Variants in PPM1H observed in about 807,000 individuals in gnomAD.
PPM1H encodes protein phosphatase 1H.
A neutral mutation model predicts 54.9 loss-of-function variants in PPM1H; 27 were observed. The ratio of observed to expected loss-of-function variants is 0.49; its 90% CI spans 0.36 to 0.68. PPM1H has a LOEUF of 0.68. PPM1H is among the 30% of genes least tolerant of loss of function. The pLI, the probability that PPM1H is intolerant of heterozygous loss-of-function variation, is 0.00. For missense variants in PPM1H, 596 were observed against 667.8 expected, an observed-to-expected ratio of 0.89 and a Z score of 1.19; for synonymous variants, 305 against 270.8, an observed-to-expected ratio of 1.13 and a Z score of -1.24.
At chr12:62,668,010 C>T (rs144935664) in intron 8 of PPM1H, among the ~76,000 whole-genome samples, 226 of 152,302 alleles carry the variant, frequency 1.5e-3, no homozygotes, top group African/African-American at 5.0e-3. Flanking sequence ...AGAAGATACA[C>T]GCTCACTCTG....
intron 6 of PPM1H, among the ~76,000 whole-genome samples, chr12:62,701,011 C>T (rs996673448): frequency 1.3e-5 from 2 of 152,070 alleles, no homozygotes; most frequent in African/African-American, 4.8e-5. Context: ...TCTTCATGCC[C>T]TTTAAGTTCT....
chr12:62,772,929 C>CACG (rs1319943836), intron 4 of PPM1H, among the ~76,000 whole-genome samples: 5 of 151,830 alleles, frequency 3.3e-5, no homozygotes, highest in African/African-American at 1.2e-4. Context: ...GCAGGTGGAT[C>CACG]ACGAGGTCAA....
intron 2 of PPM1H, among the ~76,000 whole-genome samples, chr12:62,822,478 C>G (rs1199945296): frequency 6.6e-6 from 1 of 151,706 alleles, no homozygotes; most frequent in African/African-American, 2.4e-5. Flanking sequence ...AGCACTTATT[C>G]CAAAAGAGTT....
At chr12:62,722,312 T>C (rs1372042337) in intron 5 of PPM1H, among the ~76,000 whole-genome samples, 1 of 152,190 alleles carries the variant, frequency 6.6e-6, no homozygotes. Context: ...GGGGTTACCA[T>C]GTGCCAGCCC....
chr12:62,832,821 A>C (rs566286832), intron 1 of PPM1H, among the ~76,000 whole-genome samples: 2 of 152,272 alleles, frequency 1.3e-5, no homozygotes, highest in South Asian at 4.1e-4. Flanking sequence ...AAATGGGTCA[A>C]AGGTTTACTC....
rs1345008258 is a variant in PPM1H, at chr12:62,720,214, G to A, written c.1030C>T (p.Leu344Phe). Reference protein sequence around the residue: ...EFPRRVQRKELGKKMLYRDFN... With the variant: ...EFPRRVQRKEFGKKMLYRDFN... ...TCCCTGTAGAGCATCTTCTTTCCAA[G>A]CTCCTTTCTCTGTACTCTCCTTGGA... Residue 344 changes from leucine (L) to phenylalanine (F), a missense_variant, in exon 6 of 10, where the codon CTT (leucine) becomes TTT (phenylalanine). Leu to Phe is a conservative substitution (Grantham distance 22). Coordinates refer to ENST00000228705, the MANE Select transcript of PPM1H (RefSeq NM_020700.2). The A allele has an allele frequency of 6.2e-7, 1 of 1,613,504 alleles. No homozygotes were observed.
intron 8 of PPM1H, among the ~76,000 whole-genome samples, chr12:62,685,184 C>T (rs552144406): frequency 1.3e-5 from 2 of 152,282 alleles, no homozygotes; most frequent in African/African-American, 4.8e-5. Flanking sequence ...TGTCTGGTCT[C>T]GGTTTGCACA....
intron 5 of PPM1H, among the ~76,000 whole-genome samples, chr12:62,725,835 A>T (rs1285826467): frequency 1.3e-5 from 2 of 150,718 alleles, no homozygotes; most frequent in Non-Finnish European, 3.0e-5. Context: ...CAGATATGTT[A>T]AAAAAAAACA....
At chr12:62,729,466 G>C (rs1320873435) in intron 5 of PPM1H, among the ~76,000 whole-genome samples, 1 of 152,222 alleles carries the variant, frequency 6.6e-6, no homozygotes, top group Non-Finnish European at 1.5e-5. Flanking sequence ...GTTAAATAAA[G>C]TGAAACTACT....
At position 62,677,981 on chromosome 12, in the gene PPM1H, G is replaced by A. The variant is rs113999967; in HGVS notation, c.1246-10652C>T. Among the ~76,000 whole-genome samples, 773 of 152,014 alleles carry A rather than the reference G, an allele frequency of 5.1e-3. 16 individuals are homozygous for A. The highest frequency in any genetic ancestry group is 0.018 in the African/African-American group (736 of 41,460). On this transcript the variant is annotated intron_variant, in intron 8 of 9. Transcript: ENST00000228705. ...AGACAGGGTCTTGCTCTGTTGCCCAGGCTGTGGTGACAATTGTGCACTGGT... is the reference window on the plus strand; with the variant it reads ...AGACAGGGTCTTGCTCTGTTGCCCAAGCTGTGGTGACAATTGTGCACTGGT...
At chr12:62,775,528 A>G (rs989893632) in intron 4 of PPM1H, among the ~76,000 whole-genome samples, 1 of 152,270 alleles carries the variant, frequency 6.6e-6, no homozygotes, top group African/African-American at 2.4e-5. Flanking sequence ...CATAGATCCA[A>G]CTGTTTATGA....
chr12:62,870,867 C>T (rs1215124042), intron 1 of PPM1H, among the ~76,000 whole-genome samples: 1 of 152,132 alleles, frequency 6.6e-6, no homozygotes, highest in Non-Finnish European at 1.5e-5. Flanking sequence ...AATGAAATAC[C>T]ACTTCACACC....
chr12:62,674,746 A>G (rs1384888942), intron 8 of PPM1H, among the ~76,000 whole-genome samples: 1 of 152,256 alleles, frequency 6.6e-6, no homozygotes, highest in Non-Finnish European at 1.5e-5. Context: ...CGAGCTGGAC[A>G]TCGTATGCCT....
chr12:62,660,911 A>T (rs2075878970), intron 9 of PPM1H, among the ~76,000 whole-genome samples: 1 of 152,188 alleles, frequency 6.6e-6, no homozygotes, highest in Non-Finnish European at 1.5e-5. Context: ...CTTGTTTCTC[A>T]CCATCAGATT....
intron 1 of PPM1H, among the ~76,000 whole-genome samples, chr12:62,856,135 A>G (rs1003627516): frequency 2.6e-5 from 4 of 152,218 alleles, no homozygotes; most frequent in Non-Finnish European, 5.9e-5. Context: ...TGTGCTGATC[A>G]GAACCTTGGT....
At chr12:62,767,656 C>T (rs967007118) in intron 4 of PPM1H, among the ~76,000 whole-genome samples, 2 of 152,074 alleles carry the variant, frequency 1.3e-5, no homozygotes, top group African/African-American at 4.8e-5. Flanking sequence ...TGGCAGTCTC[C>T]TAGGATTCGT....
chr12:62,933,456 G>T (rs1172250464), intron 1 of PPM1H, among the ~76,000 whole-genome samples: 2 of 152,102 alleles, frequency 1.3e-5, no homozygotes, highest in East Asian at 3.9e-4. Context: ...GGCCGTGCAC[G>T]GATAGGGGAG....
At chr12:62,735,966 A>C (rs2076347483) in intron 5 of PPM1H, among the ~76,000 whole-genome samples, 1 of 152,192 alleles carries the variant, frequency 6.6e-6, no homozygotes, top group South Asian at 2.1e-4. Flanking sequence ...GGTGGTGGCA[A>C]CATTGAGATA....
intron 1 of PPM1H, among the ~76,000 whole-genome samples, chr12:62,868,975 GGTCTGAACCACTCACT>G (rs1400076899): frequency 2.0e-5 from 3 of 152,126 alleles, no homozygotes; most frequent in Admixed American, 6.6e-5. Context: ...TCCCAGACCT[GGTCTGAACCACTCACT>G]GTACCCACTG....
Sources: allele counts gnomAD v4.1 joint callset (sites outside exome capture counted in the v4.1 genomes callset), GRCh38; gene constraint gnomAD v4.1.1; transcripts MANE v1.5; gene names NCBI Gene and HGNC (gene_info 2026-07-23, HGNC 2026-07-21).